OLFM3: variants seen among roughly 807,000 people sequenced by gnomAD.
OLFM3 encodes the protein noelin-3.
Under a neutral mutation model 48.6 loss-of-function variants are expected in OLFM3, and 20 were observed. That is an observed-to-expected ratio of 0.41 (90% confidence interval 0.29 to 0.60). The LOEUF (loss-of-function observed/expected upper bound fraction) is 0.60. Among genes scored for constraint, OLFM3 ranks in the 20% least tolerant of loss-of-function variants. The probability of loss-of-function intolerance (pLI) is 0.28; values close to 1 mark genes in which losing one functional copy is unlikely to be tolerated. For synonymous variants in OLFM3, 222 were observed against 198.1 expected (o/e 1.12, Z -1.01); for missense variants, 437 against 544.3 (o/e 0.80, Z 1.96).
chr1:101,854,524 AT>A (rs570355603), intron 1 of OLFM3, among the ~76,000 whole-genome samples: 89 of 147,250 alleles, frequency 6.0e-4, no homozygotes, highest in Non-Finnish European at 1.1e-3. Context: ...CAGGGCAAAC[AT>A]TTTTTTTTCT....
Position 101,931,168 on chromosome 1 carries a change from C to T in OLFM3, c.69+65580G>A, listed in dbSNP as rs531065718. ...AGTAAAATAAACTGTCTCTGTAGTT[C>T]AATAATAAGCTCTCATGACCTCACC... On this transcript the variant is annotated intron_variant, in intron 1 of 5. Coordinates refer to ENST00000370103, the MANE Select transcript of OLFM3 (RefSeq NM_058170.4). Among the ~76,000 whole-genome samples the T allele has an allele frequency of 2.6e-3, 401 of 152,234 alleles. 2 individuals carry two copies. Among genetic ancestry groups the T allele is most frequent in the African/African-American group, 9.3e-3 (385 of 41,534 alleles).
chr1:101,935,257 C>A (rs763405464), intron 1 of OLFM3, among the ~76,000 whole-genome samples: 5 of 149,412 alleles, frequency 3.3e-5, no homozygotes, highest in African/African-American at 7.4e-5. Flanking sequence ...AAAAGAAGAT[C>A]GAAATAAATG....
chr1:101,804,388 G>A lies in OLFM3; in HGVS notation c.1227C>T (p.Tyr409=), dbSNP rs1467049715. The change falls in exon 6 of 6, where the codon TAC becomes TAT. Residue 409 remains tyrosine (Y), a synonymous_variant. Transcript: ENST00000370103. The surrounding 1 kb of genome is among the most constrained non-coding windows in gnomAD (Gnocchi z 4.5). ...ATTGGTTATGGAAGGGAATGTCTGTGTACTCATATGTGGAGGTTTTGGTGG... is the reference window on the plus strand; with the variant it reads ...ATTGGTTATGGAAGGGAATGTCTGTATACTCATATGTGGAGGTTTTGGTGG... ...SYSTKTSTYE[Y]TDIPFHNQYF... The A allele has an allele frequency of 1.9e-6, 3 of 1,612,544 alleles. No individual in the cohort carries two copies. Among genetic ancestry groups the A allele is most frequent in the Non-Finnish European group, 2.5e-6 (3 of 1,178,970 alleles).
At chr1:101,841,800 A>G (rs1222911715) in intron 1 of OLFM3, among the ~76,000 whole-genome samples, 2 of 152,234 alleles carry the variant, frequency 1.3e-5, no homozygotes, top group African/African-American at 4.8e-5. Context: ...TAAAAAGGAC[A>G]AAAAGGGATA....
chr1:101,832,906 C>T (rs148474331), intron 2 of OLFM3, among the ~76,000 whole-genome samples: 219 of 152,144 alleles, frequency 1.4e-3, no homozygotes, highest in African/African-American at 3.9e-3. Flanking sequence ...AGCATGGTAA[C>T]GCCATTGTGG....
intron 1 of OLFM3, chr1:101,847,027 C>A: frequency 1.3e-6 from 2 of 1,556,950 alleles, no homozygotes; most frequent in Non-Finnish European, 1.8e-6. Flanking sequence ...CGGTGCCGGG[C>A]TGGCAGCGGG....
At chr1:101,809,149 A>G (rs1273346919) in intron 4 of OLFM3, among the ~76,000 whole-genome samples, 1 of 151,658 alleles carries the variant, frequency 6.6e-6, no homozygotes, top group African/African-American at 2.4e-5. Flanking sequence ...AGAGAGAAAA[A>G]GAGGGGAGAA....
chr1:101,994,826 A>T (rs1661515252), intron 1 of OLFM3, among the ~76,000 whole-genome samples: 1 of 151,990 alleles, frequency 6.6e-6, no homozygotes, highest in Non-Finnish European at 1.5e-5. Flanking sequence ...TGAGAAGGAC[A>T]GTTTGAAAAG....
chr1:101,939,946 T>G (rs1271441275), intron 1 of OLFM3, among the ~76,000 whole-genome samples: 1 of 152,176 alleles, frequency 6.6e-6, no homozygotes, highest in African/African-American at 2.4e-5. Context: ...AGTTCATAAA[T>G]CAGTAATCAG....
chr1:101,863,906 G>T (rs1656756377), intron 1 of OLFM3, among the ~76,000 whole-genome samples: 1 of 152,054 alleles, frequency 6.6e-6, no homozygotes, highest in East Asian at 1.9e-4. Context: ...TCTCATTAAA[G>T]ATTCACTATC....
chr1:101,817,293 T>C (rs1654377726), intron 4 of OLFM3, among the ~76,000 whole-genome samples: 1 of 152,174 alleles, frequency 6.6e-6, no homozygotes, highest in Non-Finnish European at 1.5e-5. Flanking sequence ...TCTTGCTTCA[T>C]TGATTTTCTC....
intron 1 of OLFM3, among the ~76,000 whole-genome samples, chr1:101,879,318 T>A (rs752846775): frequency 2.6e-5 from 4 of 151,888 alleles, no homozygotes; most frequent in Non-Finnish European, 5.9e-5. Context: ...TCCAAATGTA[T>A]TTATAGTTCT....
intron 1 of OLFM3, among the ~76,000 whole-genome samples, chr1:101,967,590 GAAAAAAAAAAA>G (rs71592233): frequency 4.5e-5 from 2 of 44,570 alleles, no homozygotes; most frequent in Non-Finnish European, 7.2e-5. Flanking sequence ...CCTAGTCAGT[GAAAAAAAAAAA>G]AAAAAAAAAA....
intron 1 of OLFM3, among the ~76,000 whole-genome samples, chr1:101,874,194 C>A (rs1657200863): frequency 6.6e-6 from 1 of 151,710 alleles, no homozygotes; most frequent in Admixed American, 6.6e-5. Flanking sequence ...GCCTCTTGAC[C>A]ATGTGGTTTT....
chr1:101,941,794 G>T (rs79330479), intron 1 of OLFM3, among the ~76,000 whole-genome samples: 1,551 of 152,276 alleles, frequency 0.01, 19 homozygotes, highest in Middle Eastern at 0.027. Flanking sequence ...AACAAGTGGG[G>T]CATTGATATT....
chr1:101,922,159 G>A (rs1366646991), intron 1 of OLFM3, among the ~76,000 whole-genome samples: 6 of 152,178 alleles, frequency 3.9e-5, no homozygotes, highest in African/African-American at 1.4e-4. Context: ...TCCATTTCTT[G>A]TGAGTTGTGT....
At chr1:101,938,667 C>T (rs1659695635) in intron 1 of OLFM3, among the ~76,000 whole-genome samples, 1 of 152,174 alleles carries the variant, frequency 6.6e-6, no homozygotes, top group African/African-American at 2.4e-5. Context: ...GGGGTTCCTG[C>T]TGAGCTTTCC....
intron 1 of OLFM3, among the ~76,000 whole-genome samples, chr1:101,985,405 A>G (rs1661207989): frequency 1.3e-5 from 2 of 152,234 alleles, no homozygotes; most frequent in African/African-American, 4.8e-5. Context: ...ATATTTTGCC[A>G]AAAAACCATA....
chr1:101,883,657 T>A (rs779437523), intron 1 of OLFM3, among the ~76,000 whole-genome samples: 2 of 151,984 alleles, frequency 1.3e-5, no homozygotes, highest in African/African-American at 2.4e-5. Flanking sequence ...AATTTTAGTA[T>A]AATTACCTGT....
Sources: allele counts gnomAD v4.1 joint callset (sites outside exome capture counted in the v4.1 genomes callset), GRCh38; gene constraint gnomAD v4.1.1; non-coding constraint Gnocchi (gnomAD v3.1); transcripts MANE v1.5; gene names NCBI Gene and HGNC (gene_info 2026-07-23, HGNC 2026-07-21).